Variants in NRG3 observed in about 807,000 individuals in gnomAD.
NRG3 encodes the protein neuregulin 3.
In NRG3, 31 loss-of-function variants were observed where a neutral mutation model predicts 66.9. The observed-to-expected ratio is 0.46, with a 90% CI of 0.35 to 0.63. The LOEUF (loss-of-function observed/expected upper bound fraction) is 0.63. NRG3 is among the 20% of genes least tolerant of loss of function. NRG3 has a pLI of 0.00. For synonymous variants in NRG3, 393 were observed against 359.4 expected (o/e 1.09, Z -1.06); for missense variants, 910 against 878.9 (o/e 1.04, Z -0.45).
chr10:82,133,590 C>T (rs537012543), intron 1 of NRG3, among the ~76,000 whole-genome samples: 34 of 152,290 alleles, frequency 2.2e-4, no homozygotes, highest in East Asian at 1.7e-3. Flanking sequence ...AAGACATAAT[C>T]TCCTTCTTTT....
At chr10:82,019,371 C>T (rs1001426679) in intron 1 of NRG3, among the ~76,000 whole-genome samples, 1 of 152,226 alleles carries the variant, frequency 6.6e-6, no homozygotes, top group African/African-American at 2.4e-5. Flanking sequence ...CATCAATGTT[C>T]ATCTGGGATT....
rs577563296 is a variant in NRG3, at chr10:82,728,124, G to A, written c.954-10453G>A. On this transcript the variant is annotated intron_variant, in intron 2 of 8. Coordinates refer to ENST00000372141, the MANE Select transcript of NRG3 (RefSeq NM_001010848.4). ...CTCATAGGCAGAAGGTACTTGCCTC[G>A]TCTCAGATGAGACGTTGGACTGTGG... 3.2e-3 allele frequency among the ~76,000 whole-genome samples: 493 copies of A among 152,214 alleles called. 4 individuals carry two copies. Among genetic ancestry groups the A allele is most frequent in the Non-Finnish European group, 5.4e-3 (367 of 68,034 alleles).
intron 2 of NRG3, among the ~76,000 whole-genome samples, chr10:82,427,578 G>T (rs1247157317): frequency 6.6e-6 from 1 of 151,944 alleles, no homozygotes; most frequent in African/African-American, 2.4e-5. Flanking sequence ...TGCTAGATTT[G>T]GTTTCTTACT....
intron 2 of NRG3, among the ~76,000 whole-genome samples, chr10:82,359,760 A>C (rs1418785894): frequency 6.6e-6 from 1 of 152,124 alleles, no homozygotes; most frequent in Non-Finnish European, 1.5e-5. Context: ...ACAGTTATTA[A>C]ATTAATTATT....
chr10:82,957,524 G>A (rs970572859), intron 5 of NRG3, among the ~76,000 whole-genome samples: 12 of 151,934 alleles, frequency 7.9e-5, no homozygotes, highest in African/African-American at 1.2e-4. Context: ...AAATAGAGCC[G>A]GAGAAGGACA....
intron 2 of NRG3, among the ~76,000 whole-genome samples, chr10:82,366,921 C>T (rs1356203333): frequency 1.3e-5 from 2 of 152,042 alleles, no homozygotes; most frequent in African/African-American, 2.4e-5. Flanking sequence ...TTACGAAAGC[C>T]TACAGAAAAT....
chr10:82,056,395 C>A (rs144515743), intron 1 of NRG3, among the ~76,000 whole-genome samples: 1 of 152,004 alleles, frequency 6.6e-6, no homozygotes. Context: ...TGATAGGAAT[C>A]TTTGAAGCTA....
chr10:82,568,986 G>A (rs1352353423), intron 2 of NRG3, among the ~76,000 whole-genome samples: 1 of 151,688 alleles, frequency 6.6e-6, no homozygotes, highest in Non-Finnish European at 1.5e-5. Context: ...CTTCTAACAT[G>A]TCAGGTTCTC....
At position 82,451,832 on chromosome 10, in the gene NRG3, C is replaced by T. The variant is rs372624441; in HGVS notation, c.953+92964C>T. Among the ~76,000 whole-genome samples the T allele has an allele frequency of 1.1e-3, 169 of 152,258 alleles. 2 individuals are homozygous for T. The South Asian group carries it at 0.031, about 28-fold the overall frequency. ...AGGCAAAAAGACCATGTGAATTATACATTGCCTCACAGAGTGATGATACTG... is the reference window on the plus strand; with the variant it reads ...AGGCAAAAAGACCATGTGAATTATATATTGCCTCACAGAGTGATGATACTG... On this transcript the variant is annotated intron_variant, in intron 2 of 8. Coordinates refer to ENST00000372141, the MANE Select transcript of NRG3 (RefSeq NM_001010848.4).
intron 3 of NRG3, among the ~76,000 whole-genome samples, chr10:82,799,541 A>AAG (rs2060945947): frequency 6.6e-6 from 1 of 151,752 alleles, no homozygotes; most frequent in Non-Finnish European, 1.5e-5. Flanking sequence ...AAAAAAAAAA[A>AAG]AGACATTTCA....
At chr10:82,545,684 A>G (rs1038032916) in intron 2 of NRG3, among the ~76,000 whole-genome samples, 2 of 151,608 alleles carry the variant, frequency 1.3e-5, no homozygotes, top group Non-Finnish European at 2.9e-5. Flanking sequence ...CCCAGCCGCC[A>G]ATAACACTTT....
chr10:82,252,352 A>C (rs1304915549), intron 1 of NRG3, among the ~76,000 whole-genome samples: 1 of 152,114 alleles, frequency 6.6e-6, no homozygotes, highest in Non-Finnish European at 1.5e-5. Flanking sequence ...CTTTACCTAC[A>C]TTGGCTCAGC....
chr10:81,882,859 A>C (rs572451663), intron 1 of NRG3, among the ~76,000 whole-genome samples: 38 of 152,246 alleles, frequency 2.5e-4, no homozygotes, highest in Admixed American at 2.3e-3. Flanking sequence ...TCCTACCTCA[A>C]ATCACCTTGG....
At chr10:82,915,991 A>G (rs1262892524) in intron 4 of NRG3, among the ~76,000 whole-genome samples, 1 of 152,174 alleles carries the variant, frequency 6.6e-6, no homozygotes, top group Non-Finnish European at 1.5e-5. Flanking sequence ...GCTAGATCTC[A>G]GTAGCCTTTT....
chr10:82,011,502 C>T (rs183867226), intron 1 of NRG3, among the ~76,000 whole-genome samples: 1 of 152,168 alleles, frequency 6.6e-6, no homozygotes, highest in African/African-American at 2.4e-5. Flanking sequence ...AACAGTCTCC[C>T]AAAGTCTTAA....
chr10:82,012,213 G>A (rs1310673067), intron 1 of NRG3, among the ~76,000 whole-genome samples: 2 of 152,154 alleles, frequency 1.3e-5, no homozygotes, highest in East Asian at 3.9e-4. Flanking sequence ...AGCTGCCATG[G>A]CTTGGGATTT....
At chr10:82,603,386 C>T (rs1355551083) in intron 2 of NRG3, among the ~76,000 whole-genome samples, 2 of 152,174 alleles carry the variant, frequency 1.3e-5, no homozygotes, top group Non-Finnish European at 2.9e-5. Context: ...TAGAAAGATA[C>T]TCCTCATTTG....
At chr10:82,902,478 G>A (rs1453259401) in intron 4 of NRG3, among the ~76,000 whole-genome samples, 2 of 151,850 alleles carry the variant, frequency 1.3e-5, no homozygotes, top group African/African-American at 4.8e-5. Context: ...TTATGTCAGG[G>A]CCACGTGGTC....
At chr10:82,950,175 T>A (rs1241601821) in intron 4 of NRG3, among the ~76,000 whole-genome samples, 1 of 152,186 alleles carries the variant, frequency 6.6e-6, no homozygotes, top group Non-Finnish European at 1.5e-5. Flanking sequence ...TGCATTACAA[T>A]TTGAGAACTA....
Sources: gnomAD v4.1 joint callset for allele counts (sites outside exome capture counted in the v4.1 genomes callset) on GRCh38, gnomAD v4.1.1 for gene constraint, MANE v1.5 for transcripts, NCBI Gene and HGNC (gene_info 2026-07-23, HGNC 2026-07-21) for gene names.